The following TEX9 variants were observed in gnomAD, a reference collection of about 807,000 sequenced individuals.
TEX9 encodes testis expressed 9, also known as testis-expressed protein 9.
In TEX9, 74 loss-of-function variants were observed where a neutral mutation model predicts 59.6. The observed-to-expected ratio is 1.24, with a 90% CI of 1.03 to 1.51. The LOEUF is 1.51. Ranked by LOEUF, TEX9 falls within the 40% of genes most tolerant of loss-of-function variation. TEX9 has a pLI of 0.00. For synonymous variants in TEX9, 186 were observed against 152.2 expected, an observed-to-expected ratio of 1.22 and a Z score of -1.64; for missense variants, 522 against 447.8, an observed-to-expected ratio of 1.17 and a Z score of -1.49.
At chr15:56,447,160 A>T (rs1404386087), downstream of TEX9, 3 of 410,284 alleles carry the variant, frequency 7.3e-6, no homozygotes, top group African/African-American at 6.0e-5. Context: ...CTGTTCTATT[A>T]CATTCATCTG....
chr15:56,288,918 C>T (rs2045017515), intron 1 of TEX9, among the ~76,000 whole-genome samples: 1 of 152,062 alleles, frequency 6.6e-6, no homozygotes, highest in Non-Finnish European at 1.5e-5. Flanking sequence ...TTTCTTCCTT[C>T]CTTTTCATTT....
intron 1 of TEX9, among the ~76,000 whole-genome samples, chr15:56,317,832 C>T (rs1224795144): frequency 1.3e-5 from 2 of 152,022 alleles, no homozygotes; most frequent in African/African-American, 4.8e-5. Flanking sequence ...ATTTCCTTCT[C>T]TTATTGATTT....
chr15:56,299,779 C>T (rs1421811905), intron 1 of TEX9, among the ~76,000 whole-genome samples: 1 of 152,222 alleles, frequency 6.6e-6, no homozygotes, highest in Admixed American at 6.5e-5. Flanking sequence ...TCTAGACACG[C>T]CCTGAGCCAG....
intron 8 of TEX9, 91 bp from the exon 9 acceptor site, chr15:56,394,570 C>A: frequency 1.0e-6 from 1 of 953,990 alleles, no homozygotes; most frequent in East Asian, 2.7e-5. Flanking sequence ...GTATAAATAT[C>A]AAAGAACATA....
In TEX9 at chr15:56,293,338, C is replaced by T. The variant is rs577265803; in HGVS notation, c.-107+49060C>T. On this transcript the variant is annotated intron_variant, in intron 1 of 5. Transcript: ENST00000560827. Reference sequence around the variant, plus strand: ...GGCGACAGAGTGAGACCCCATCAGACGCACAAAAAAGACAGTCCCTTCTTT... The same window carrying T: ...GGCGACAGAGTGAGACCCCATCAGATGCACAAAAAAGACAGTCCCTTCTTT... Among the ~76,000 whole-genome samples, 28 of 151,464 alleles carry T rather than the reference C, an allele frequency of 1.8e-4. 1 individual carries two copies. Among genetic ancestry groups the T allele is most frequent in the African/African-American group, 5.1e-4 (21 of 41,240 alleles).
intron 1 of TEX9, among the ~76,000 whole-genome samples, chr15:56,349,671 G>A (rs530936973): frequency 4.1e-4 from 63 of 152,084 alleles, no homozygotes; most frequent in African/African-American, 1.5e-3. Context: ...GTTTACAGGT[G>A]GCTTTCTGTG....
chr15:56,398,613 C>G (rs1441333226), intron 9 of TEX9, among the ~76,000 whole-genome samples: 1 of 152,160 alleles, frequency 6.6e-6, no homozygotes, highest in Non-Finnish European at 1.5e-5. Context: ...CAATCCTGTG[C>G]AATTTTTCTT....
intron 1 of TEX9, among the ~76,000 whole-genome samples, chr15:56,355,319 T>G (rs1834550058): frequency 1.3e-5 from 2 of 152,322 alleles, no homozygotes; most frequent in Middle Eastern, 3.4e-3. Context: ...CAAATTACTT[T>G]CTATATGGTG....
intron 10 of TEX9, among the ~76,000 whole-genome samples, chr15:56,413,152 A>G (rs1224185299): frequency 1.1e-5 from 1 of 91,600 alleles, no homozygotes; most frequent in Non-Finnish European, 2.8e-5. Context: ...GTAATAAGTG[A>G]TATTACCTAT....
upstream of TEX9, among the ~76,000 whole-genome samples, chr15:56,361,498 G>A (rs2046788075): frequency 6.6e-6 from 1 of 151,856 alleles, no homozygotes. Flanking sequence ...ATATTTTGTG[G>A]GTGTCCAGCT....
chr15:56,394,389 T>C (rs2036883492), intron 8 of TEX9, 142 bp downstream of exon 8: 3 of 717,106 alleles, frequency 4.2e-6, no homozygotes, highest in Non-Finnish European at 4.4e-6. Context: ...AGTACTGAAC[T>C]TTATTCTGAG....
intron 1 of TEX9, among the ~76,000 whole-genome samples, chr15:56,301,895 A>G (rs1348620492): frequency 2.0e-5 from 3 of 152,320 alleles, no homozygotes; most frequent in East Asian, 1.9e-4. Context: ...CAAACACAGC[A>G]TATTGTAACA....
At chr15:56,281,919 C>G (rs1418634644) in intron 1 of TEX9, among the ~76,000 whole-genome samples, 1 of 152,194 alleles carries the variant, frequency 6.6e-6, no homozygotes, top group African/African-American at 2.4e-5. Context: ...TCACAAGATA[C>G]TGTTTTCATG....
chr15:56,340,759 A>G (rs2713928), intron 1 of TEX9, among the ~76,000 whole-genome samples: 4,804 of 152,124 alleles, frequency 0.032, 184 homozygotes, highest in East Asian at 0.095. Context: ...CCTCTCCTTT[A>G]TCGTGCTGTG....
intron 12 of TEX9, among the ~76,000 whole-genome samples, chr15:56,442,042 A>G (rs575738149): frequency 1.3e-5 from 2 of 151,994 alleles, no homozygotes; most frequent in African/African-American, 4.8e-5. Flanking sequence ...ATAAAATAAA[A>G]TAAATAAATA....
At chr15:56,384,142 G>C (rs1162151039) in intron 4 of TEX9, 111 bp downstream of exon 4, 1 of 780,310 alleles carries the variant, frequency 1.3e-6, no homozygotes, top group Non-Finnish European at 2.1e-6. Flanking sequence ...GAAGAATAAT[G>C]TATATATAGG....
At chr15:56,365,147 G>T (rs2046875230), upstream of TEX9, among the ~76,000 whole-genome samples, 1 of 152,250 alleles carries the variant, frequency 6.6e-6, no homozygotes, top group African/African-American at 2.4e-5. Context: ...TGCCTCACCA[G>T]CTTGCTTTCT....
chr15:56,437,766 A>G (rs1355655954), intron 12 of TEX9, among the ~76,000 whole-genome samples: 12 of 152,224 alleles, frequency 7.9e-5, no homozygotes, highest in Non-Finnish European at 1.0e-4. Context: ...ACTTCAGCAA[A>G]GTCTCAGGAT....
intron 9 of TEX9, among the ~76,000 whole-genome samples, chr15:56,401,140 TTAAATG>T (rs2048747034): frequency 6.6e-6 from 1 of 151,822 alleles, no homozygotes; most frequent in Admixed American, 6.6e-5. Flanking sequence ...AATATTAACC[TTAAATG>T]TAAATAGGCT....
Sources: allele counts gnomAD v4.1 joint callset (sites outside exome capture counted in the v4.1 genomes callset), GRCh38; gene constraint gnomAD v4.1.1; transcripts MANE v1.5; gene names NCBI Gene and HGNC (gene_info 2026-07-23, HGNC 2026-07-21).